Variants in TCF7L1 observed in about 807,000 individuals in gnomAD.
TCF7L1 encodes transcription factor 7 like 1, also known as transcription factor 7-like 1.
TCF7L1 carries 18 observed loss-of-function variants against 63.7 expected under a neutral mutation model. The observed-to-expected ratio is 0.28, with a 90% CI of 0.20 to 0.42. The LOEUF (loss-of-function observed/expected upper bound fraction) is 0.42, where lower values mean the gene tolerates loss of function less well. Among genes scored for constraint, TCF7L1 ranks in the 10% least tolerant of loss-of-function variants. TCF7L1 has a pLI of 1.00. For missense variants in TCF7L1, 654 were observed against 779.3 expected, an observed-to-expected ratio of 0.84 and a Z score of 1.91; for synonymous variants, 355 against 340.9, an observed-to-expected ratio of 1.04 and a Z score of -0.46.
chr2:85,244,305 G>A (rs542900929), intron 3 of TCF7L1, among the ~76,000 whole-genome samples: 44 of 152,296 alleles, frequency 2.9e-4, no homozygotes, highest in African/African-American at 9.9e-4. Flanking sequence ...GAAAGGTGAC[G>A]TGATCCAACC....
At chr2:85,220,245 CTTTA>C (rs1679811003) in intron 3 of TCF7L1, among the ~76,000 whole-genome samples, 1 of 151,822 alleles carries the variant, frequency 6.6e-6, no homozygotes, top group Non-Finnish European at 1.5e-5. Flanking sequence ...ATCAATAACA[CTTTA>C]TTTCTTTAAG....
At chr2:85,268,055 G>C (rs569624080) in intron 3 of TCF7L1, among the ~76,000 whole-genome samples, 1 of 152,174 alleles carries the variant, frequency 6.6e-6, no homozygotes, top group African/African-American at 2.4e-5. Flanking sequence ...TTTTAATAAT[G>C]TATTAACTGT....
chr2:85,271,273 C>G (rs1046249498), intron 3 of TCF7L1, among the ~76,000 whole-genome samples: 1 of 152,030 alleles, frequency 6.6e-6, no homozygotes, highest in African/African-American at 2.4e-5. Context: ...CCACCACACC[C>G]GGCTAATTTT....
At chr2:85,143,087 AAT>A in intron 3 of TCF7L1, among the ~76,000 whole-genome samples, 1 of 152,238 alleles carries the variant, frequency 6.6e-6, no homozygotes, top group African/African-American at 2.4e-5. Context: ...GGTCAAAGGC[AAT>A]AGCTCTAATT....
At chr2:85,146,386 G>A (rs1253679627) in intron 3 of TCF7L1, among the ~76,000 whole-genome samples, 1 of 151,928 alleles carries the variant, frequency 6.6e-6, no homozygotes, top group Non-Finnish European at 1.5e-5. Flanking sequence ...GACAATGCAT[G>A]AAAATGCCAT....
intron 3 of TCF7L1, among the ~76,000 whole-genome samples, chr2:85,149,344 T>C (rs930950718): frequency 6.7e-6 from 1 of 148,434 alleles, no homozygotes; most frequent in African/African-American, 2.5e-5. Flanking sequence ...TGTATATGTG[T>C]ATACACACAC....
At chr2:85,291,554 G>A (rs1261153358) in intron 4 of TCF7L1, among the ~76,000 whole-genome samples, 1 of 146,252 alleles carries the variant, frequency 6.8e-6, no homozygotes, top group African/African-American at 2.6e-5. Flanking sequence ...TGTTTGTTTT[G>A]GTTTTAGTTT....
intron 3 of TCF7L1, among the ~76,000 whole-genome samples, chr2:85,222,351 AC>A (rs1172517912): frequency 1.4e-5 from 2 of 144,960 alleles, no homozygotes; most frequent in Non-Finnish European, 3.1e-5. Context: ...AAAAAAAAAA[AC>A]AAACAAACAA....
Position 85,306,580 on chromosome 2 carries a change from G to A in TCF7L1, c.1257+21G>A. 6.2e-7 allele frequency: 1 copy of A among 1,606,812 alleles called. No homozygotes were observed. Among genetic ancestry groups the A allele is most frequent in the Non-Finnish European group, 8.5e-7 (1 of 1,173,546 alleles). ...ACTATGTAAGTGCACACTCTGGGCA[G>A]AGGACGCTCAGACCCCAGGAACAGC... is the stretch of plus-strand genomic sequence containing the variant. On this transcript the variant is annotated intron_variant, in intron 10 of 11. Coordinates refer to ENST00000282111, the MANE Select transcript of TCF7L1 (RefSeq NM_031283.3). This position sits in a 1 kb window ranked among gnomAD's most constrained non-coding sequence, Gnocchi z 4.3.
chr2:85,247,743 T>C (rs1435261604), intron 3 of TCF7L1, among the ~76,000 whole-genome samples: 1 of 152,228 alleles, frequency 6.6e-6, no homozygotes, highest in African/African-American at 2.4e-5. Context: ...TTCCATTTCT[T>C]TGTGAACATG....
intron 8 of TCF7L1, among the ~76,000 whole-genome samples, chr2:85,305,924 G>T (rs1429415654): frequency 6.6e-6 from 1 of 152,138 alleles, no homozygotes; most frequent in Non-Finnish European, 1.5e-5. Context: ...GCACCTGCCA[G>T]CTCCAGTGAG....
intron 3 of TCF7L1, among the ~76,000 whole-genome samples, chr2:85,251,253 G>C (rs1385299202): frequency 6.6e-6 from 1 of 152,210 alleles, no homozygotes; most frequent in Non-Finnish European, 1.5e-5. Context: ...CAATAACCAA[G>C]AATAGGTCAG....
intron 3 of TCF7L1, among the ~76,000 whole-genome samples, chr2:85,220,467 G>A (rs1261813394): frequency 6.6e-6 from 1 of 152,126 alleles, no homozygotes; most frequent in Admixed American, 6.5e-5. Context: ...CCAGGTTGAA[G>A]CGATTCTCCT....
chr2:85,149,523 C>G (rs1677960714), intron 3 of TCF7L1, among the ~76,000 whole-genome samples: 1 of 151,960 alleles, frequency 6.6e-6, no homozygotes, highest in African/African-American at 2.4e-5. Flanking sequence ...AATTTGCCTT[C>G]TTTCTGTAAC....
At chr2:85,178,557 A>G (rs1678729734) in intron 3 of TCF7L1, among the ~76,000 whole-genome samples, 1 of 152,198 alleles carries the variant, frequency 6.6e-6, no homozygotes. Flanking sequence ...CCTGGCATCT[A>G]GGCCCTTTCA....
At chr2:85,193,029 C>T (rs761272376) in intron 3 of TCF7L1, among the ~76,000 whole-genome samples, 3 of 152,092 alleles carry the variant, frequency 2.0e-5, no homozygotes, top group Non-Finnish European at 4.4e-5. Context: ...AAATTAAGTT[C>T]TTATTTTTTC....
chr2:85,308,804 G>A lies in TCF7L1; in HGVS notation c.1334-225G>A, dbSNP rs142561319. Among the ~76,000 whole-genome samples, 5 of 152,236 alleles carry A rather than the reference G, an allele frequency of 3.3e-5. No individual in the cohort carries two copies. The East Asian group carries it at 5.8e-4, about 18-fold the overall frequency. ...TGAGACACTGAGCCGTCTTCTCTCC[G>A]ATCTGATGCTGGGTGGATCTTCATC... On this transcript the variant is annotated intron_variant, in intron 11 of 11. Coordinates refer to ENST00000282111, the MANE Select transcript of TCF7L1 (RefSeq NM_031283.3).
At chr2:85,218,648 G>GGA (rs746536633) in intron 3 of TCF7L1, among the ~76,000 whole-genome samples, 33 of 150,432 alleles carry the variant, frequency 2.2e-4, no homozygotes, top group African/African-American at 6.6e-4. Context: ...ATGGGGGGGG[G>GGA]AAAACTGGTG....
intron 3 of TCF7L1, among the ~76,000 whole-genome samples, chr2:85,155,352 T>G (rs372283810): frequency 9.9e-4 from 151 of 152,262 alleles, no homozygotes; most frequent in African/African-American, 3.6e-3. Flanking sequence ...GCAGCAACGC[T>G]CTGTGGAAGC....
Sources: allele counts gnomAD v4.1 joint callset (sites outside exome capture counted in the v4.1 genomes callset), GRCh38; gene constraint gnomAD v4.1.1; non-coding constraint Gnocchi (gnomAD v3.1); transcripts MANE v1.5; gene names NCBI Gene and HGNC (gene_info 2026-07-23, HGNC 2026-07-21).